TFCP2L1: variants seen among roughly 807,000 people sequenced by gnomAD.
TFCP2L1 encodes the protein transcription factor CP2 like 1, also known as transcription factor CP2-like protein 1.
TFCP2L1 carries 12 observed loss-of-function variants against 72.2 expected under a neutral mutation model. The ratio of observed to expected loss-of-function variants is 0.17; its 90% confidence interval spans 0.11 to 0.27. The LOEUF (loss-of-function observed/expected upper bound fraction) is 0.27. TFCP2L1 is among the 10% of genes least tolerant of loss of function. TFCP2L1 has a pLI of 1.00. For synonymous variants in TFCP2L1, 260 were observed against 251.0 expected (o/e 1.04, Z -0.34); for missense variants, 488 against 624.6 (o/e 0.78, Z 2.33).
At chr2:121,278,784 A>G (rs1381092319) in intron 2 of TFCP2L1, among the ~76,000 whole-genome samples, 1 of 151,924 alleles carries the variant, frequency 6.6e-6, no homozygotes, top group Non-Finnish European at 1.5e-5. Flanking sequence ...TAGGTGGATC[A>G]CTTGAGGCCA....
chr2:121,251,951 T>TAAA (rs1686622608), intron 2 of TFCP2L1, among the ~76,000 whole-genome samples: 1 of 152,224 alleles, frequency 6.6e-6, no homozygotes, highest in Admixed American at 6.5e-5. Context: ...TGTATGAATG[T>TAAA]AAAAACACTT....
At chr2:121,274,988 T>C (rs1687116709) in intron 2 of TFCP2L1, among the ~76,000 whole-genome samples, 1 of 152,022 alleles carries the variant, frequency 6.6e-6, no homozygotes, top group Non-Finnish European at 1.5e-5. Context: ...CCTATAGAAC[T>C]TCCATTCTAT....
chr2:121,249,474 C>T, intron 3 of TFCP2L1, 97 bp downstream of exon 3: 2 of 1,175,256 alleles, frequency 1.7e-6, no homozygotes, highest in Non-Finnish European at 2.5e-6. Flanking sequence ...TCTCCCTAAC[C>T]TTCCAGCTAC....
chr2:121,269,305 AGGCTTGGT>A (rs1346185715), intron 2 of TFCP2L1, among the ~76,000 whole-genome samples: 1 of 151,776 alleles, frequency 6.6e-6, no homozygotes, highest in East Asian at 1.9e-4. Context: ...AAAATTAGTC[AGGCTTGGT>A]GGCGGCCATT....
At chr2:121,282,968 G>A (rs952983203) in intron 1 of TFCP2L1, among the ~76,000 whole-genome samples, 5 of 152,148 alleles carry the variant, frequency 3.3e-5, no homozygotes, top group African/African-American at 7.2e-5. Flanking sequence ...AGGCCGTCTC[G>A]ACTTTCCCCC....
At chr2:121,251,646 T>C (rs1363984283) in intron 2 of TFCP2L1, among the ~76,000 whole-genome samples, 1 of 152,214 alleles carries the variant, frequency 6.6e-6, no homozygotes, top group East Asian at 1.9e-4. Context: ...CAATTCATTG[T>C]ATTCTAGAAA....
intron 2 of TFCP2L1, among the ~76,000 whole-genome samples, chr2:121,255,119 C>A (rs1294461404): frequency 2.6e-5 from 4 of 152,240 alleles, no homozygotes; most frequent in Non-Finnish European, 5.9e-5. Context: ...ACATCCCACC[C>A]AGTGGGTGTC....
At position 121,239,573 on chromosome 2, in the gene TFCP2L1, A is replaced by C. The variant is rs1298867361; in HGVS notation, c.845T>G (p.Phe282Cys). The change falls in exon 8 of 15, where the codon TTT becomes TGT. Residue 282 changes from phenylalanine to cysteine, a missense_variant. Physicochemically the swap from Phe to Cys is radical, Grantham distance 205. Around this residue, in one of 3 missense-constraint regions of TFCP2L1, gnomAD observed 286 missense variants for 329.0 expected, o/e 0.87. Coordinates refer to ENST00000263707, the MANE Select transcript of TFCP2L1 (RefSeq NM_014553.3). The stretch of plus-strand genomic sequence containing the variant: ...TGGGACGTACCCTTCGCCGAGGCCA[A>C]AGCTGTTTGGAGAACCATTGTAGCT... Reference protein sequence around the residue: ...SPSYNGSPNSFGLGEGNASPT... With the variant: ...SPSYNGSPNSCGLGEGNASPT... 1.2e-6 allele frequency: 2 copies of C among 1,614,158 alleles called. No individual in the cohort carries two copies. The highest frequency in any genetic ancestry group is 8.5e-7 in the Non-Finnish European group (1 of 1,180,016).
intron 2 of TFCP2L1, among the ~76,000 whole-genome samples, chr2:121,267,547 G>A (rs1686956101): frequency 6.6e-6 from 1 of 151,426 alleles, no homozygotes; most frequent in Non-Finnish European, 1.5e-5. Flanking sequence ...AGGCTGGAGT[G>A]CAGTGGCGCG....
At position 121,255,451 on chromosome 2, in the gene TFCP2L1, T is replaced by C. The variant is rs547362420; in HGVS notation, c.215-5804A>G. ...CCAAAACTGAATTGTCACGTAGCCA[T>C]GTGCCAGTACACTGCAAGCCCTGTA... is the stretch of plus-strand genomic sequence containing the variant. On this transcript the variant is annotated intron_variant, in intron 2 of 14. Transcript: ENST00000263707. Among the ~76,000 whole-genome samples, 42 of 152,344 alleles carry C rather than the reference T, an allele frequency of 2.8e-4. 3 individuals are homozygous for C. The South Asian group carries it at 8.7e-3, about 32-fold the overall frequency.
At chr2:121,233,198 CTT>C (rs1055323815) in intron 12 of TFCP2L1, among the ~76,000 whole-genome samples, 1 of 151,158 alleles carries the variant, frequency 6.6e-6, no homozygotes, top group Admixed American at 6.6e-5. Context: ...GTGCACTTTT[CTT>C]TTTTTTTCCT....
At chr2:121,272,585 G>C (rs2104754739) in intron 2 of TFCP2L1, among the ~76,000 whole-genome samples, 1 of 152,312 alleles carries the variant, frequency 6.6e-6, no homozygotes, top group East Asian at 1.9e-4. Context: ...AGCCAACCCT[G>C]TGTTAATCTT....
chr2:121,279,785 G>A (rs1687218122), intron 2 of TFCP2L1, among the ~76,000 whole-genome samples: 1 of 152,192 alleles, frequency 6.6e-6, no homozygotes, highest in East Asian at 1.9e-4. Flanking sequence ...AGAAACCAGC[G>A]TTCCTCTGCC....
rs1685939230 is a variant in TFCP2L1, at chr2:121,222,134, A to G, written c.*2207T>C. The G allele has an allele frequency of 6.6e-6, 1 of 152,258 alleles. No individual in the cohort carries two copies. The highest frequency in any genetic ancestry group is 2.4e-5 in the African/African-American group (1 of 41,464). 9.4% of individuals were successfully genotyped at this position (152,258 alleles called of 1,614,324 possible). On this transcript the variant is annotated 3_prime_UTR_variant, in exon 15 of 15. Transcript: ENST00000263707. ...CATACTCATTAGGATGCTAAAAGCA[A>G]AAAGACAGATAATAGCAAGTGTTGA...
intron 2 of TFCP2L1, among the ~76,000 whole-genome samples, chr2:121,277,833 A>T (rs1201468929): frequency 2.6e-5 from 4 of 152,206 alleles, no homozygotes; most frequent in Non-Finnish European, 1.5e-5. Context: ...ATGTAGAAAT[A>T]AGGTTAGCAG....
chr2:121,256,646 G>A (rs1478750124), intron 2 of TFCP2L1, among the ~76,000 whole-genome samples: 1 of 152,022 alleles, frequency 6.6e-6, no homozygotes, highest in East Asian at 1.9e-4. Context: ...GCATGGTGGT[G>A]GGCGCCTGTA....
In TFCP2L1 at chr2:121,254,061, A is replaced by T. The variant is rs149547583; in HGVS notation, c.215-4414T>A. The stretch of plus-strand genomic sequence containing the variant: ...ACAAGGGCATTTCTCTGCCTGGCCG[A>T]CATCACTGCTGGGCGTGGGTGGAAG... On this transcript the variant is annotated intron_variant, in intron 2 of 14. Transcript: ENST00000263707. Among the ~76,000 whole-genome samples, 153 of 152,320 alleles carry T rather than the reference A, an allele frequency of 1.0e-3. 1 individual carries two copies. The highest frequency in any genetic ancestry group is 3.5e-3 in the African/African-American group (144 of 41,588).
chr2:121,281,002 A>AGCCCGACCTC (rs1054972644), intron 2 of TFCP2L1, 118 bp downstream of exon 2: 3 of 1,340,752 alleles, frequency 2.2e-6, no homozygotes, highest in Non-Finnish European at 2.0e-6. Flanking sequence ...CTCTTTCCCG[A>AGCCCGACCTC]GCCCGACCTC....
chr2:121,240,715 G>A, intron 7 of TFCP2L1: 2 of 985,396 alleles, frequency 2.0e-6, no homozygotes, highest in Non-Finnish European at 2.4e-6. Context: ...GGTATCAGGA[G>A]GTGGGGAACA....
Sources: gnomAD v4.1 joint callset for allele counts (sites outside exome capture counted in the v4.1 genomes callset) on GRCh38, gnomAD v4.1.1 for gene constraint, gnomAD v4.1.1 regional missense constraint, MANE v1.5 for transcripts, NCBI Gene and HGNC (gene_info 2026-07-23, HGNC 2026-07-21) for gene names.